SH3GLB1: variants seen among roughly 807,000 people sequenced by gnomAD.
SH3GLB1 encodes endophilin-B1.
Under a neutral mutation model 42.0 loss-of-function variants are expected in SH3GLB1, and 17 were observed. That is an observed-to-expected ratio of 0.40 (90% CI 0.28 to 0.61). The LOEUF (loss-of-function observed/expected upper bound fraction) is 0.61, where lower values mean the gene tolerates loss of function less well. Among genes scored for constraint, SH3GLB1 ranks in the 20% least tolerant of loss-of-function variants. The probability of loss-of-function intolerance (pLI) is 0.36; values close to 1 mark genes in which losing one functional copy is unlikely to be tolerated. For missense variants in SH3GLB1, 355 were observed against 426.3 expected, an observed-to-expected ratio of 0.83 and a Z score of 1.47; for synonymous variants, 132 against 146.6, an observed-to-expected ratio of 0.90 and a Z score of 0.72.
At chr1:86,723,419 TAGG>T (rs1396248148) in intron 4 of SH3GLB1, among the ~76,000 whole-genome samples, 2 of 151,732 alleles carry the variant, frequency 1.3e-5, no homozygotes, top group Admixed American at 1.3e-4. Context: ...GAAGCTGAGG[TAGG>T]AGAATTGCTT....
chr1:86,705,987 G>T (rs907765424), intron 1 of SH3GLB1, among the ~76,000 whole-genome samples: 2 of 152,182 alleles, frequency 1.3e-5, no homozygotes, highest in African/African-American at 4.8e-5. Context: ...TGGCACAGTT[G>T]ATCCTACATT....
chr1:86,739,549 A>G (rs1655955530), intron 7 of SH3GLB1, among the ~76,000 whole-genome samples: 1 of 152,172 alleles, frequency 6.6e-6, no homozygotes, highest in South Asian at 2.1e-4. Context: ...GACTCGGAGG[A>G]GAGGAATTGT....
intron 1 of SH3GLB1, among the ~76,000 whole-genome samples, chr1:86,709,164 T>G (rs1277353219): frequency 6.6e-6 from 1 of 152,238 alleles, no homozygotes; most frequent in Non-Finnish European, 1.5e-5. Context: ...GTTAGATCTC[T>G]TGGAACTCTA....
chr1:86,730,419 A>T, intron 5 of SH3GLB1: 1 of 963,576 alleles, frequency 1.0e-6, no homozygotes, highest in Non-Finnish European at 1.2e-6. Flanking sequence ...GATTTTTTTA[A>T]TAACAATTTT....
chr1:86,724,285 C>T (rs1272891608), intron 4 of SH3GLB1, 28 bp from the exon 5 acceptor site: 2 of 1,477,172 alleles, frequency 1.4e-6, no homozygotes, highest in Non-Finnish European at 1.8e-6. Flanking sequence ...CATCTTTAGC[C>T]CTTATTTTTT....
chr1:86,718,422 T>G (rs1168307907), intron 2 of SH3GLB1, among the ~76,000 whole-genome samples: 3 of 152,236 alleles, frequency 2.0e-5, no homozygotes, highest in African/African-American at 7.2e-5. Context: ...TTTAACTATT[T>G]AAAGGTATTT....
intron 1 of SH3GLB1, among the ~76,000 whole-genome samples, chr1:86,710,846 A>G (rs1183037651): frequency 6.6e-6 from 1 of 152,204 alleles, no homozygotes; most frequent in Non-Finnish European, 1.5e-5. Flanking sequence ...CATGCACTAA[A>G]CCAAGCGATA....
chr1:86,742,495 T>C, intron 8 of SH3GLB1, 59 bp downstream of exon 8: 1 of 1,278,518 alleles, frequency 7.8e-7, no homozygotes. Flanking sequence ...CTTCTAATAT[T>C]ATAACAAAAT....
chr1:86,710,660 T>G (rs1654160697), intron 1 of SH3GLB1, among the ~76,000 whole-genome samples: 1 of 152,242 alleles, frequency 6.6e-6, no homozygotes, highest in African/African-American at 2.4e-5. Context: ...GCTTTGCTAC[T>G]ATATTTAAAA....
At chr1:86,734,973 A>G (rs541284128) in intron 6 of SH3GLB1, 106 bp from the exon 7 acceptor site, 4 of 801,778 alleles carry the variant, frequency 5.0e-6, no homozygotes, top group Non-Finnish European at 8.4e-6. Flanking sequence ...AAAATGTTAG[A>G]TACTGGTGAG....
At position 86,704,893 on chromosome 1, in the gene SH3GLB1, G is replaced by A; in HGVS notation, c.-7G>A. ...GGTCGGCCGGCTCCGCCCGGCTGCC[G>A]CCTAGGATGAATATCATGGACTTCA... On this transcript the variant is annotated 5_prime_UTR_variant, in exon 1 of 9. Coordinates refer to ENST00000370558, the MANE Select transcript of SH3GLB1 (RefSeq NM_016009.5). 1.3e-6 allele frequency: 2 copies of A among 1,570,160 alleles called. No homozygotes were observed. The highest frequency in any genetic ancestry group is 1.7e-6 in the Non-Finnish European group (2 of 1,160,866).
intron 7 of SH3GLB1, chr1:86,738,615 A>G (rs1422768812): frequency 6.6e-6 from 1 of 152,078 alleles, no homozygotes; most frequent in African/African-American, 2.4e-5. Flanking sequence ...TATTGGACAC[A>G]AAGAGGTCAA....
At chr1:86,710,404 A>G (rs1654137017) in intron 1 of SH3GLB1, among the ~76,000 whole-genome samples, 1 of 151,872 alleles carries the variant, frequency 6.6e-6, no homozygotes. Context: ...AGCTGGGATT[A>G]CAGACACGCG....
chr1:86,722,888 G>A (rs1350068234), intron 4 of SH3GLB1, among the ~76,000 whole-genome samples: 1 of 152,134 alleles, frequency 6.6e-6, no homozygotes, highest in East Asian at 1.9e-4. Context: ...TTATTGAGAT[G>A]CCTTTATCCC....
chr1:86,722,700 T>C (rs1215225206), intron 4 of SH3GLB1, 27 bp downstream of exon 4: 3 of 1,559,968 alleles, frequency 1.9e-6, no homozygotes, highest in African/African-American at 1.4e-5. Flanking sequence ...CCCCTTTATT[T>C]AGTAAAATCA....
chr1:86,714,657 G>A (rs1654407259), intron 1 of SH3GLB1, among the ~76,000 whole-genome samples: 1 of 152,156 alleles, frequency 6.6e-6, no homozygotes, highest in South Asian at 2.1e-4. Context: ...AAATAGAGTA[G>A]CAAACGAGAT....
In SH3GLB1 at chr1:86,724,396, T is replaced by C. The variant is rs140791791; in HGVS notation, c.561T>C (p.Thr187=). The stretch of plus-strand genomic sequence containing the variant: ...TAAAAAAGGCAAAAGCTGCAGAAAC[T>C]AGAAATTCAGTAAGTAAATAGAAAA... The part of the protein sequence containing the change: ...TRLKKAKAAE[T]RNSSEQELRI... The change falls in exon 5 of 9, where the codon ACT becomes ACC. Residue 187 remains threonine, a synonymous_variant. Transcript: ENST00000370558. 3.6e-3 allele frequency: 5,751 copies of C among 1,595,740 alleles called. 15 individuals carry two copies. The highest frequency in any genetic ancestry group is 4.2e-3 in the Non-Finnish European group (4,947 of 1,172,932).
At chr1:86,729,968 A>G (rs1261913697) in intron 5 of SH3GLB1, 1 of 956,170 alleles carries the variant, frequency 1.0e-6, no homozygotes, top group Admixed American at 2.6e-5. Context: ...ATCTATAAAT[A>G]TGATTCTGAA....
intron 3 of SH3GLB1, among the ~76,000 whole-genome samples, 166 bp downstream of exon 3, chr1:86,719,801 C>T (rs535547686): frequency 6.2e-4 from 94 of 151,926 alleles, no homozygotes; most frequent in African/African-American, 2.2e-3. Context: ...CGAGACTATC[C>T]TGGCTAACAT....
Sources: allele counts gnomAD v4.1 joint callset (sites outside exome capture counted in the v4.1 genomes callset), GRCh38; gene constraint gnomAD v4.1.1; transcripts MANE v1.5; gene names NCBI Gene and HGNC (gene_info 2026-07-23, HGNC 2026-07-21).